Variants in FBXW7 observed in about 807,000 individuals in gnomAD.
FBXW7 encodes the protein F-box and WD repeat domain containing 7.
A neutral mutation model predicts 86.3 loss-of-function variants in FBXW7; 11 were observed. That is an observed-to-expected ratio of 0.13 (90% CI 0.08 to 0.21). The LOEUF (loss-of-function observed/expected upper bound fraction) is 0.21, where lower values mean the gene tolerates loss of function less well. FBXW7 is among the 10% of genes least tolerant of loss of function. The pLI, the probability that FBXW7 is intolerant of heterozygous loss-of-function variation, is 1.00. For missense variants in FBXW7, 488 were observed against 847.4 expected, an observed-to-expected ratio of 0.58 and a Z score of 5.27; for synonymous variants, 313 against 297.9, an observed-to-expected ratio of 1.05 and a Z score of -0.52.
chr4:152,364,395 C>G (rs1733265465), intron 4 of FBXW7, among the ~76,000 whole-genome samples: 1 of 152,110 alleles, frequency 6.6e-6, no homozygotes, highest in Non-Finnish European at 1.5e-5. Flanking sequence ...TTCAACGAAG[C>G]TACTAGGTTT....
At chr4:152,528,711 G>A (rs914016066) in intron 2 of FBXW7, among the ~76,000 whole-genome samples, 1 of 152,128 alleles carries the variant, frequency 6.6e-6, no homozygotes, top group African/African-American at 2.4e-5. Context: ...CGTACTTTGA[G>A]AAAATACATT....
intron 2 of FBXW7, among the ~76,000 whole-genome samples, chr4:152,415,984 T>C (rs1326379132): frequency 6.6e-6 from 1 of 152,160 alleles, no homozygotes; most frequent in African/African-American, 2.4e-5. Context: ...TCCACAGCAC[T>C]ATATAAAAGC....
chr4:152,388,084 G>A (rs1453109408), intron 4 of FBXW7, among the ~76,000 whole-genome samples: 1 of 151,868 alleles, frequency 6.6e-6, no homozygotes. Context: ...AAATTAAAAT[G>A]TTTTTATAAG....
intron 2 of FBXW7, among the ~76,000 whole-genome samples, chr4:152,533,768 C>A (rs1325095090): frequency 6.6e-6 from 1 of 152,128 alleles, no homozygotes; most frequent in African/African-American, 2.4e-5. Context: ...GGCTAATAAA[C>A]TTGCAGAACT....
At chr4:152,462,414 G>A (rs764201366) in intron 2 of FBXW7, among the ~76,000 whole-genome samples, 3 of 152,174 alleles carry the variant, frequency 2.0e-5, no homozygotes, top group Non-Finnish European at 4.4e-5. Flanking sequence ...TTTTTACACT[G>A]GGTCCCCTGG....
At chr4:152,526,580 T>A (rs1221482098) in intron 2 of FBXW7, among the ~76,000 whole-genome samples, 1 of 152,220 alleles carries the variant, frequency 6.6e-6, no homozygotes, top group East Asian at 1.9e-4. Context: ...ATTATTTCGA[T>A]CTTAATTTGA....
At chr4:152,399,911 C>T (rs2126836720) in intron 4 of FBXW7, among the ~76,000 whole-genome samples, 1 of 152,216 alleles carries the variant, frequency 6.6e-6, no homozygotes, top group South Asian at 2.1e-4. Context: ...AAAGCAATAC[C>T]AATCAAAATC....
At chr4:152,508,099 C>T (rs377138548) in intron 2 of FBXW7, among the ~76,000 whole-genome samples, 1 of 151,418 alleles carries the variant, frequency 6.6e-6, no homozygotes, top group Non-Finnish European at 1.5e-5. Context: ...TAAGCCCTCA[C>T]AAAATGATGG....
chr4:152,497,878 T>C (rs1746511770), intron 2 of FBXW7, among the ~76,000 whole-genome samples: 1 of 152,182 alleles, frequency 6.6e-6, no homozygotes. Context: ...TTATTCAACC[T>C]GGAAAACTAA....
chr4:152,422,547 T>C (rs1051743304), intron 2 of FBXW7, among the ~76,000 whole-genome samples: 1 of 152,242 alleles, frequency 6.6e-6, no homozygotes, highest in Admixed American at 6.5e-5. Flanking sequence ...CTATTACTGA[T>C]GAAGCTCTAG....
intron 2 of FBXW7, among the ~76,000 whole-genome samples, chr4:152,449,450 T>A (rs1241263912): frequency 6.6e-6 from 1 of 152,128 alleles, no homozygotes; most frequent in Non-Finnish European, 1.5e-5. Flanking sequence ...TAATGAACAA[T>A]AAAAATCTAT....
At chr4:152,386,796 CCT>C (rs1370075295) in intron 4 of FBXW7, among the ~76,000 whole-genome samples, 1 of 151,990 alleles carries the variant, frequency 6.6e-6, no homozygotes, top group Non-Finnish European at 1.5e-5. Flanking sequence ...CTTATCACTC[CCT>C]GATTTTCTTT....
chr4:152,329,935 C>T (rs1295153959), intron 9 of FBXW7, 150 bp from the exon 10 acceptor site: 3 of 447,620 alleles, frequency 6.7e-6, no homozygotes, highest in African/African-American at 2.1e-5. Flanking sequence ...TTTTTCCTGG[C>T]TGACGAATCC....
chr4:152,490,637 C>A (rs1034011980), intron 2 of FBXW7, among the ~76,000 whole-genome samples: 1 of 152,072 alleles, frequency 6.6e-6, no homozygotes, highest in Non-Finnish European at 1.5e-5. Context: ...GTTAAAAAAA[C>A]ATTCATTACA....
intron 2 of FBXW7, among the ~76,000 whole-genome samples, chr4:152,482,815 T>C (rs1375161694): frequency 6.6e-6 from 1 of 152,222 alleles, no homozygotes; most frequent in Non-Finnish European, 1.5e-5. Context: ...TACAGTGATA[T>C]ATTTTAGTTC....
chr4:152,382,171 C>A, intron 4 of FBXW7: 1 of 1,508,058 alleles, frequency 6.6e-7, no homozygotes, highest in Non-Finnish European at 8.9e-7. Flanking sequence ...TCATATTTTT[C>A]AAATGTGTGA....
At chr4:152,394,694 C>T (rs1166661149) in intron 4 of FBXW7, among the ~76,000 whole-genome samples, 1 of 152,038 alleles carries the variant, frequency 6.6e-6, no homozygotes, top group Non-Finnish European at 1.5e-5. Context: ...TTATAATATA[C>T]CATAGCAAAT....
At chr4:152,323,504 T>A in intron 13 of FBXW7, 1 of 284,252 alleles carries the variant, frequency 3.5e-6, no homozygotes, top group Non-Finnish European at 6.7e-6. Context: ...CTAAGAGATC[T>A]ATTACCCCAC....
chr4:152,486,911 G>T (rs913374017), intron 2 of FBXW7, among the ~76,000 whole-genome samples: 1 of 152,100 alleles, frequency 6.6e-6, no homozygotes, highest in Non-Finnish European at 1.5e-5. Flanking sequence ...TGTGACGTTA[G>T]TCCTAACATG....
Sources: allele counts gnomAD v4.1 joint callset (sites outside exome capture counted in the v4.1 genomes callset), GRCh38; gene constraint gnomAD v4.1.1; transcripts MANE v1.5; gene names NCBI Gene and HGNC (gene_info 2026-07-23, HGNC 2026-07-21).